Variants in RALGPS1 observed in about 807,000 individuals in gnomAD.
The protein encoded by RALGPS1 is ras-specific guanine nucleotide-releasing factor RalGPS1.
Under a neutral mutation model 78.8 loss-of-function variants are expected in RALGPS1, and 19 were observed. The observed-to-expected ratio is 0.24, with a 90% CI of 0.17 to 0.35. RALGPS1 has a LOEUF of 0.35. RALGPS1 is among the 10% of genes least tolerant of loss of function. The probability of loss-of-function intolerance (pLI) is 1.00; values close to 1 mark genes in which losing one functional copy is unlikely to be tolerated. For missense variants in RALGPS1, 454 were observed against 688.3 expected (o/e 0.66, Z 3.81); for synonymous variants, 228 against 256.3 (o/e 0.89, Z 1.06).
At chr9:127,163,995 T>C (rs2059157705) in intron 8 of RALGPS1, among the ~76,000 whole-genome samples, 1 of 152,136 alleles carries the variant, frequency 6.6e-6, no homozygotes, top group African/African-American at 2.4e-5. Flanking sequence ...TCAAACAGAT[T>C]TTTTATTTTT....
chr9:127,148,286 C>T (rs1400086842), intron 8 of RALGPS1, among the ~76,000 whole-genome samples: 1 of 152,210 alleles, frequency 6.6e-6, no homozygotes, highest in Non-Finnish European at 1.5e-5. Context: ...TCTCTGCACA[C>T]CCAGGTGGGG....
intron 14 of RALGPS1, chr9:127,210,648 C>T (rs1340349694): frequency 7.0e-7 from 1 of 1,425,222 alleles, no homozygotes; most frequent in Admixed American, 2.0e-5. Flanking sequence ...TCAGGAGCAT[C>T]TGGTCTTTCA....
chr9:127,005,036 G>A (rs2043704096), intron 4 of RALGPS1, among the ~76,000 whole-genome samples: 1 of 152,232 alleles, frequency 6.6e-6, no homozygotes, highest in Non-Finnish European at 1.5e-5. Context: ...AGACATGACT[G>A]AGCTGAGTTG....
At chr9:127,094,249 GTGT>G (rs1228771967) in intron 8 of RALGPS1, among the ~76,000 whole-genome samples, 1 of 152,122 alleles carries the variant, frequency 6.6e-6, no homozygotes, top group African/African-American at 2.4e-5. Context: ...CCCTCATATA[GTGT>G]TGTCAGGATT....
At position 127,212,497 on chromosome 9, in the gene RALGPS1, G is replaced by T; in HGVS notation, c.1354-130G>T. 1 of 691,024 alleles carries T rather than the reference G, an allele frequency of 1.4e-6. No individual in the cohort carries two copies. The highest frequency in any genetic ancestry group is 2.4e-6 in the Non-Finnish European group (1 of 417,914). 42.8% of individuals were successfully genotyped at this position (691,024 alleles called of 1,614,324 possible). ...TAGGTGGAAGTTGGCATTGCCAGGG[G>T]GTGGTGGAGGGCCAGGGAAGAGATG... On this transcript the variant is annotated intron_variant, in intron 15 of 18. Transcript: ENST00000259351. The surrounding 1 kb of genome is among the most constrained non-coding windows in gnomAD (Gnocchi z 6.0).
At chr9:127,142,699 A>G (rs1353000463) in intron 8 of RALGPS1, among the ~76,000 whole-genome samples, 4 of 152,216 alleles carry the variant, frequency 2.6e-5, no homozygotes, top group Non-Finnish European at 4.4e-5. Flanking sequence ...ATAACTGAGA[A>G]GAGGGTTGTG....
At chr9:126,945,397 G>T (rs934154474) in intron 1 of RALGPS1, among the ~76,000 whole-genome samples, 1 of 151,914 alleles carries the variant, frequency 6.6e-6, no homozygotes, top group African/African-American at 2.4e-5. Context: ...ACGGGGTTTC[G>T]CCATGTTAGC....
chr9:127,073,072 T>C (rs2050342626), intron 8 of RALGPS1, among the ~76,000 whole-genome samples: 1 of 152,212 alleles, frequency 6.6e-6, no homozygotes, highest in Non-Finnish European at 1.5e-5. Context: ...TATTCATCAT[T>C]TCTGTGTGTT....
At chr9:126,978,170 G>A (rs548097990) in intron 4 of RALGPS1, 41 of 155,668 alleles carry the variant, frequency 2.6e-4, no homozygotes. Context: ...AAGCAAACAT[G>A]TACATATTTA....
At chr9:127,054,151 C>G (rs1334310619) in intron 7 of RALGPS1, among the ~76,000 whole-genome samples, 1 of 152,170 alleles carries the variant, frequency 6.6e-6, no homozygotes, top group Non-Finnish European at 1.5e-5. Context: ...TTCAACTGAG[C>G]AATGGCTTTG....
chr9:126,994,573 C>T (rs372855114), intron 4 of RALGPS1, among the ~76,000 whole-genome samples: 70 of 152,228 alleles, frequency 4.6e-4, no homozygotes, highest in African/African-American at 6.0e-4. Flanking sequence ...CTGAAAGTGA[C>T]GGGGAGAATG....
At chr9:127,125,317 G>A (rs535112047) in intron 8 of RALGPS1, among the ~76,000 whole-genome samples, 15 of 152,304 alleles carry the variant, frequency 9.8e-5, no homozygotes, top group East Asian at 3.9e-4. Flanking sequence ...CCCTCCTTTC[G>A]TGTAGCCCAG....
At chr9:127,174,291 G>A (rs2059725254) in intron 10 of RALGPS1, among the ~76,000 whole-genome samples, 1 of 145,058 alleles carries the variant, frequency 6.9e-6, no homozygotes, top group African/African-American at 2.7e-5. Flanking sequence ...GAAAGAAAGA[G>A]AAAGAAAGAG....
chr9:126,918,038 G>C (rs966810309), intron 1 of RALGPS1, among the ~76,000 whole-genome samples: 2 of 152,212 alleles, frequency 1.3e-5, no homozygotes, highest in African/African-American at 4.8e-5. Flanking sequence ...AATGCTTGTT[G>C]AAAGAACAGA....
chr9:127,154,027 C>G (rs554721720), intron 8 of RALGPS1, among the ~76,000 whole-genome samples: 85 of 152,276 alleles, frequency 5.6e-4, no homozygotes, highest in African/African-American at 2.0e-3. Context: ...TGAAGCTGAC[C>G]CCAGCCAGTG....
chr9:127,121,271 T>C (rs1351871148), intron 8 of RALGPS1, among the ~76,000 whole-genome samples: 1 of 152,196 alleles, frequency 6.6e-6, no homozygotes, highest in Admixed American at 6.5e-5. Flanking sequence ...ATAAGAAAAC[T>C]GAGGTTTAGA....
chr9:127,047,708 A>C (rs1258948744), intron 5 of RALGPS1, among the ~76,000 whole-genome samples: 2 of 151,926 alleles, frequency 1.3e-5, no homozygotes, highest in Non-Finnish European at 2.9e-5. Flanking sequence ...CAAAAAAAAA[A>C]AAAAAGGAAA....
chr9:127,051,801 A>G (rs1332760273), intron 6 of RALGPS1, among the ~76,000 whole-genome samples: 1 of 152,180 alleles, frequency 6.6e-6, no homozygotes, highest in Admixed American at 6.5e-5. Flanking sequence ...CTCGGGAAAC[A>G]CACAGTCCAG....
Position 127,201,181 on chromosome 9 carries a change from C to A in RALGPS1, c.1247+2115C>A, listed in dbSNP as rs1332505735. Among the ~76,000 whole-genome samples the A allele has an allele frequency of 2.0e-5, 3 of 152,256 alleles. No individual in the cohort carries two copies. In the East Asian group the frequency reaches 5.8e-4, roughly 29 times the overall value. ...TCATAGCATTTAGATCACTATCCAT[C>A]TGAATGTCTAGAATAGGTGATTTTG... is the stretch of plus-strand genomic sequence containing the variant. On this transcript the variant is annotated intron_variant, in intron 14 of 18. Coordinates refer to ENST00000259351, the MANE Select transcript of RALGPS1 (RefSeq NM_014636.3).
Sources: allele counts gnomAD v4.1 joint callset (sites outside exome capture counted in the v4.1 genomes callset), GRCh38; gene constraint gnomAD v4.1.1; non-coding constraint Gnocchi (gnomAD v3.1); transcripts MANE v1.5; gene names NCBI Gene and HGNC (gene_info 2026-07-23, HGNC 2026-07-21).